The following CDH9 variants were observed in gnomAD, a reference collection of about 807,000 sequenced individuals.
The protein encoded by CDH9 is cadherin 9.
CDH9 carries 28 observed loss-of-function variants against 70.9 expected under a neutral mutation model. The ratio of observed to expected loss-of-function variants is 0.40; its 90% CI spans 0.29 to 0.54. The LOEUF is 0.54. Ranked by LOEUF, CDH9 falls within the 20% of genes least tolerant of loss-of-function variation. CDH9 has a pLI of 0.59. For synonymous variants in CDH9, 409 were observed against 343.1 expected (o/e 1.19, Z -2.12); for missense variants, 874 against 984.4 (o/e 0.89, Z 1.50).
At chr5:26,966,009 T>C (rs1402192649) in intron 2 of CDH9, among the ~76,000 whole-genome samples, 1 of 152,222 alleles carries the variant, frequency 6.6e-6, no homozygotes, top group East Asian at 1.9e-4. Flanking sequence ...TTTGAGGCTA[T>C]AAACCTGTGT....
At chr5:26,942,855 T>C (rs1409793031) in intron 2 of CDH9, among the ~76,000 whole-genome samples, 2 of 152,186 alleles carry the variant, frequency 1.3e-5, no homozygotes, top group African/African-American at 4.8e-5. Flanking sequence ...ATCTTGATGT[T>C]TCAAAATCTG....
At chr5:26,922,184 G>A (rs551288765) in intron 2 of CDH9, among the ~76,000 whole-genome samples, 112 of 151,464 alleles carry the variant, frequency 7.4e-4, no homozygotes, top group African/African-American at 2.7e-3. Flanking sequence ...AATAATAACA[G>A]AGAACTTCCA....
chr5:26,991,604 CA>C (rs991194713), intron 1 of CDH9, among the ~76,000 whole-genome samples: 1 of 152,092 alleles, frequency 6.6e-6, no homozygotes, highest in Non-Finnish European at 1.5e-5. Context: ...ATCAATTGCC[CA>C]AAAATCCTTG....
chr5:26,889,339 T>C (rs1227134440), intron 9 of CDH9, among the ~76,000 whole-genome samples: 1 of 152,118 alleles, frequency 6.6e-6, no homozygotes, highest in Admixed American at 6.5e-5. Context: ...ACAAATCTAC[T>C]TCATTTCAAT....
intron 1 of CDH9, among the ~76,000 whole-genome samples, chr5:27,010,691 A>G (rs1392564115): frequency 6.6e-6 from 1 of 152,066 alleles, no homozygotes; most frequent in Non-Finnish European, 1.5e-5. Flanking sequence ...TTTAGACTCT[A>G]ATGAGGCTTT....
intron 3 of CDH9, among the ~76,000 whole-genome samples, chr5:26,912,087 A>C (rs1368858786): frequency 6.6e-6 from 1 of 152,176 alleles, no homozygotes; most frequent in Non-Finnish European, 1.5e-5. Flanking sequence ...TTATTCCATA[A>C]GACTCTATTT....
intron 1 of CDH9, among the ~76,000 whole-genome samples, chr5:27,026,258 G>C (rs896209189): frequency 1.3e-5 from 2 of 151,914 alleles, no homozygotes; most frequent in African/African-American, 4.8e-5. Flanking sequence ...TAATTGCTGA[G>C]ATAAGCATAA....
intron 1 of CDH9, among the ~76,000 whole-genome samples, chr5:27,002,428 C>A (rs1450517782): frequency 6.6e-6 from 1 of 151,862 alleles, no homozygotes; most frequent in African/African-American, 2.4e-5. Context: ...GGGTATATAC[C>A]CAAAGGAATA....
rs1579507657 is a variant in CDH9, at chr5:27,004,645, CA to C, written c.-49-16264del. On this transcript the variant is annotated intron_variant, in intron 1 of 11. Coordinates refer to ENST00000231021, the MANE Select transcript of CDH9 (RefSeq NM_016279.4). ...GATGAATTTAAGGCTTTGCCTTGAACAACAGATTAGTGCTGTCATTTACTAA... is the reference window on the plus strand; with the variant it reads ...GATGAATTTAAGGCTTTGCCTTGAACACAGATTAGTGCTGTCATTTACTAA... Among the ~76,000 whole-genome samples, 3 of 152,200 alleles carry C rather than the reference CA, an allele frequency of 2.0e-5. No homozygotes were observed. In the East Asian group the frequency reaches 5.8e-4, roughly 29 times the overall value.
At chr5:26,966,804 T>C (rs751884462) in intron 2 of CDH9, among the ~76,000 whole-genome samples, 1 of 152,240 alleles carries the variant, frequency 6.6e-6, no homozygotes, top group Non-Finnish European at 1.5e-5. Context: ...TAGGAATTAC[T>C]AGTTCTTTTT....
At chr5:26,970,711 A>G (rs1464624678) in intron 2 of CDH9, among the ~76,000 whole-genome samples, 1 of 152,048 alleles carries the variant, frequency 6.6e-6, no homozygotes. Flanking sequence ...GCCTTCACTG[A>G]ATGTTTTTCC....
chr5:27,027,225 A>C (rs2112131700), intron 1 of CDH9, among the ~76,000 whole-genome samples: 1 of 152,182 alleles, frequency 6.6e-6, no homozygotes, highest in East Asian at 1.9e-4. Context: ...CAAGTAATAT[A>C]AACTTGCAAC....
At chr5:27,001,840 ACACACTCT>A (rs1742774452) in intron 1 of CDH9, among the ~76,000 whole-genome samples, 1 of 123,486 alleles carries the variant, frequency 8.1e-6, no homozygotes, top group African/African-American at 3.6e-5. Context: ...ACACACACAC[ACACACTCT>A]CTCTCTCTCT....
chr5:26,949,904 T>C (rs973388304), intron 2 of CDH9, among the ~76,000 whole-genome samples: 2 of 152,216 alleles, frequency 1.3e-5, no homozygotes, highest in Non-Finnish European at 2.9e-5. Flanking sequence ...AAACAACTTA[T>C]TCATTAAAAA....
intron 6 of CDH9, 22 bp from the exon 7 acceptor site, chr5:26,902,751 G>T (rs749905875): frequency 2.9e-6 from 4 of 1,391,976 alleles, no homozygotes; most frequent in African/African-American, 1.4e-5. Context: ...TAACATAAAA[G>T]AAATTAGCAT....
chr5:26,966,689 T>C (rs1266113828), intron 2 of CDH9, among the ~76,000 whole-genome samples: 1 of 152,230 alleles, frequency 6.6e-6, no homozygotes. Context: ...TCTAGTTGAA[T>C]GAATAACACA....
chr5:26,985,072 G>A (rs925608501), intron 2 of CDH9, among the ~76,000 whole-genome samples: 1 of 151,986 alleles, frequency 6.6e-6, no homozygotes, highest in Non-Finnish European at 1.5e-5. Flanking sequence ...TTGTACAAAG[G>A]CTTTTAACAG....
intron 3 of CDH9, among the ~76,000 whole-genome samples, chr5:26,912,706 A>G (rs866416869): frequency 1.3e-5 from 2 of 152,120 alleles, no homozygotes; most frequent in Non-Finnish European, 2.9e-5. Flanking sequence ...ATAATAAATA[A>G]TAAACATAAC....
At chr5:26,995,425 A>G (rs1197999545) in intron 1 of CDH9, among the ~76,000 whole-genome samples, 1 of 152,206 alleles carries the variant, frequency 6.6e-6, no homozygotes, top group Non-Finnish European at 1.5e-5. Flanking sequence ...AAAAATTTGC[A>G]TAACATGAGA....
Sources: allele counts gnomAD v4.1 joint callset (sites outside exome capture counted in the v4.1 genomes callset), GRCh38; gene constraint gnomAD v4.1.1; transcripts MANE v1.5; gene names NCBI Gene and HGNC (gene_info 2026-07-23, HGNC 2026-07-21).